The following ASAP1 variants were observed in gnomAD, a reference collection of about 807,000 sequenced individuals.
ASAP1 encodes ArfGAP with SH3 domain, ankyrin repeat and PH domain 1, also known as arf-GAP with SH3 domain, ANK repeat and PH domain-containing protein 1.
In ASAP1, 43 loss-of-function variants were observed where a neutral mutation model predicts 145.2. That is an observed-to-expected ratio of 0.30 (90% confidence interval 0.23 to 0.38). The LOEUF is 0.38. ASAP1 is among the 10% of genes least tolerant of loss of function. ASAP1 has a pLI of 1.00. For missense variants in ASAP1, 1,018 were observed against 1,355.3 expected (o/e 0.75, Z 3.91); for synonymous variants, 546 against 515.5 (o/e 1.06, Z -0.80).
At chr8:130,219,606 C>T (rs867945722) in intron 4 of ASAP1, among the ~76,000 whole-genome samples, 7 of 152,160 alleles carry the variant, frequency 4.6e-5, no homozygotes, top group Middle Eastern at 3.4e-3. Context: ...TTACTACATG[C>T]GAGTGCTAGA....
At chr8:130,149,939 C>T (rs2097642231) in intron 13 of ASAP1, among the ~76,000 whole-genome samples, 1 of 152,156 alleles carries the variant, frequency 6.6e-6, no homozygotes, top group Non-Finnish European at 1.5e-5. Flanking sequence ...GGAGAGTAAG[C>T]CATTTCCCTC....
At chr8:130,439,991 G>A (rs1830438181) in intron 1 of ASAP1, among the ~76,000 whole-genome samples, 1 of 151,982 alleles carries the variant, frequency 6.6e-6, no homozygotes, top group East Asian at 1.9e-4. Flanking sequence ...CCACAACAAC[G>A]CCACCATACA....
At position 130,214,430 on chromosome 8, in the gene ASAP1, T is replaced by A. The variant is rs1816766972; in HGVS notation, c.405+126A>T. 20 of 965,556 alleles carry A rather than the reference T, an allele frequency of 2.1e-5. 1 individual carries two copies. The South Asian group carries it at 7.7e-4, about 37-fold the overall frequency. 59.8% of individuals were successfully genotyped at this position (965,556 alleles called of 1,614,324 possible). On this transcript the variant is annotated intron_variant, in intron 5 of 29. Coordinates refer to ENST00000518721, the MANE Select transcript of ASAP1 (RefSeq NM_018482.4). ...GGAAGTTACCTAGGACTAAAAAGCT[T>A]TTTGTTTTTTCTTTCTCACCCCTAG...
intron 24 of ASAP1, among the ~76,000 whole-genome samples, chr8:130,111,660 GT>G (rs113400841): frequency 0.053 from 8,099 of 152,236 alleles, 282 homozygotes; most frequent in Middle Eastern, 0.078. Flanking sequence ...GCATTTTAAT[GT>G]AGAGAAAAGT....
chr8:130,273,618 G>C (rs1820711422), intron 3 of ASAP1, among the ~76,000 whole-genome samples: 1 of 152,116 alleles, frequency 6.6e-6, no homozygotes, highest in East Asian at 1.9e-4. Context: ...GGTATCTCTG[G>C]GCATCCTGAT....
At chr8:130,138,797 C>G (rs1054694390) in intron 13 of ASAP1, among the ~76,000 whole-genome samples, 6 of 147,582 alleles carry the variant, frequency 4.1e-5, no homozygotes, top group Non-Finnish European at 4.4e-5. Context: ...GATCTCGCCA[C>G]TGCACTCCAG....
chr8:130,276,091 C>A (rs1459933556), intron 3 of ASAP1, among the ~76,000 whole-genome samples: 1 of 152,210 alleles, frequency 6.6e-6, no homozygotes, highest in African/African-American at 2.4e-5. Flanking sequence ...TGAATGGATG[C>A]TTTGCCCTGA....
intron 3 of ASAP1, among the ~76,000 whole-genome samples, chr8:130,327,127 C>T (rs7460225): frequency 0.41 from 62,524 of 152,014 alleles, 13,019 homozygotes; most frequent in Non-Finnish European, 0.45. Flanking sequence ...GTAGGGCACT[C>T]TATCTTTCTG....
Position 130,054,803 on chromosome 8 carries a change from A to C in ASAP1, c.3318T>G (p.Ile1106Met), listed in dbSNP as rs1219224870. Residue 1106 changes from isoleucine to methionine, a missense_variant and splice_region_variant, in exon 30 of 30, where the codon ATT (isoleucine) becomes ATG (methionine). Physicochemically the swap from Ile to Met is conservative, Grantham distance 10. Transcript: ENST00000518721. The part of the protein sequence containing the change: ...VTGEEDQEWW[I>M]GHIEGQPERK... ...TTTCAGGCTGTCCTTCGATGTGGCCAATCTGCAGGGAGAAAAGAGAGTGGT... is the reference window on the plus strand; with the variant it reads ...TTTCAGGCTGTCCTTCGATGTGGCCCATCTGCAGGGAGAAAAGAGAGTGGT... 1.2e-6 allele frequency: 2 copies of C among 1,613,402 alleles called. No individual in the cohort carries two copies. Among genetic ancestry groups the C allele is most frequent in the African/African-American group, 2.7e-5 (2 of 75,048 alleles).
intron 3 of ASAP1, among the ~76,000 whole-genome samples, chr8:130,328,212 A>C (rs1452522491): frequency 1.3e-5 from 2 of 151,370 alleles, no homozygotes; most frequent in African/African-American, 2.4e-5. Context: ...ACTGGTGGAC[A>C]AAAAAAAAGG....
intron 1 of ASAP1, among the ~76,000 whole-genome samples, chr8:130,420,576 G>A (rs755805076): frequency 1.3e-5 from 2 of 152,092 alleles, no homozygotes; most frequent in African/African-American, 2.4e-5. Flanking sequence ...GCCATACAAT[G>A]CAATTATTCA....
intron 6 of ASAP1, 89 bp from the exon 7 acceptor site, chr8:130,187,374 T>G (rs989098066): frequency 2.6e-6 from 3 of 1,147,640 alleles, no homozygotes; most frequent in Non-Finnish European, 3.8e-6. Flanking sequence ...GCAAGAATTG[T>G]TTCCTTTATA....
intron 7 of ASAP1, among the ~76,000 whole-genome samples, chr8:130,186,302 C>T (rs1814727583): frequency 6.6e-6 from 1 of 152,186 alleles, no homozygotes; most frequent in African/African-American, 2.4e-5. Flanking sequence ...GCACTTTTCA[C>T]ATAATTACAA....
At position 130,420,276 on chromosome 8, in the gene ASAP1, ACAC is replaced by A. The variant is rs1389015946; in HGVS notation, c.-27-18309_-27-18307del. On this transcript the variant is annotated intron_variant, in intron 1 of 29. Transcript: ENST00000518721. ...CACACACACACACACACACACACAC[ACAC>A]AATAGCAATAACAAGTCTTGGCGAG... Among the ~76,000 whole-genome samples, 27 of 139,064 alleles carry A rather than the reference ACAC, an allele frequency of 1.9e-4. No individual in the cohort carries two copies. The East Asian group carries it at 4.4e-3, about 22-fold the overall frequency. 91.2% of individuals were successfully genotyped at this position (139,064 alleles called of 152,430 possible).
chr8:130,373,092 A>C (rs1394965017), intron 2 of ASAP1, among the ~76,000 whole-genome samples: 100 of 136,756 alleles, frequency 7.3e-4, no homozygotes, highest in African/African-American at 1.3e-3. Context: ...ACACCCCCCC[A>C]CACACACAGA....
intron 5 of ASAP1, among the ~76,000 whole-genome samples, chr8:130,193,488 G>C (rs1231187055): frequency 6.6e-6 from 1 of 152,078 alleles, no homozygotes; most frequent in Non-Finnish European, 1.5e-5. Flanking sequence ...GTTGGAAACT[G>C]GGCAAAGAAA....
intron 1 of ASAP1, among the ~76,000 whole-genome samples, chr8:130,431,987 A>G (rs1441832105): frequency 8.7e-6 from 1 of 114,884 alleles, no homozygotes; most frequent in Non-Finnish European, 1.8e-5. Flanking sequence ...GAAGGGGAGG[A>G]AAGAAGGAGA....
rs138285979 is a variant in ASAP1, at chr8:130,117,283, G to A, written c.1881-288C>T. 7.6e-3 allele frequency among the ~76,000 whole-genome samples: 1,159 copies of A among 152,162 alleles called. 13 individuals are homozygous for A. The highest frequency in any genetic ancestry group is 0.027 in the African/African-American group (1,110 of 41,504). Reference sequence around the variant, plus strand: ...GATGGGGTAAATACTAATAATAACCGCTTTTACAGATAAAAAACCCTGAAG... The same window carrying A: ...GATGGGGTAAATACTAATAATAACCACTTTTACAGATAAAAAACCCTGAAG... On this transcript the variant is annotated intron_variant, in intron 20 of 29. Transcript: ENST00000518721.
chr8:130,060,869 G>T lies in ASAP1; in HGVS notation c.2902C>A (p.Leu968Met), dbSNP rs1592712459. The part of the protein sequence containing the change: ...KPGELPPKPQ[L>M]GDLPPKPQLS... ...TGGGGTTTGGGTGGCAGGTCCCCCA[G>T]CTGTGGTTTGGGGGGCAGTTCTCCT... The change falls in exon 28 of 30, where the codon CTG becomes ATG. Residue 968 changes from leucine to methionine, a missense_variant. Physicochemically the swap from Leu to Met is conservative, Grantham distance 15 (BLOSUM62 2). Around this residue, in one of 9 missense-constraint regions of ASAP1, gnomAD observed 139 missense variants for 131.0 expected, o/e 1.06. Transcript: ENST00000518721. The T allele has an allele frequency of 6.2e-7, 1 of 1,614,048 alleles. No individual in the cohort carries two copies. The highest frequency in any genetic ancestry group is 1.1e-5 in the South Asian group (1 of 91,070).
Sources: gnomAD v4.1 joint callset for allele counts (sites outside exome capture counted in the v4.1 genomes callset) on GRCh38, gnomAD v4.1.1 for gene constraint, gnomAD v4.1.1 regional missense constraint, MANE v1.5 for transcripts, NCBI Gene and HGNC (gene_info 2026-07-23, HGNC 2026-07-21) for gene names.